The following KIF6 variants were observed in gnomAD, a reference collection of about 807,000 sequenced individuals.
KIF6 encodes kinesin-like protein KIF6.
Under a neutral mutation model 112.7 loss-of-function variants are expected in KIF6, and 106 were observed. The ratio of observed to expected loss-of-function variants is 0.94; its 90% CI spans 0.80 to 1.11. The LOEUF is 1.11. Among genes scored for constraint, KIF6 ranks in the 50% least tolerant of loss-of-function variants. The probability of loss-of-function intolerance (pLI) is 0.00; values close to 1 mark genes in which losing one functional copy is unlikely to be tolerated. For synonymous variants in KIF6, 339 were observed against 339.9 expected, an observed-to-expected ratio of 1.00 and a Z score of 0.03; for missense variants, 929 against 964.0, an observed-to-expected ratio of 0.96 and a Z score of 0.48.
At position 39,469,378 on chromosome 6, in the gene KIF6, CAT is replaced by C. The variant is rs59234741; in HGVS notation, c.1646-38219_1646-38218del. Among the ~76,000 whole-genome samples, 226 of 152,088 alleles carry C rather than the reference CAT, an allele frequency of 1.5e-3. 1 individual carries two copies. The highest frequency in any genetic ancestry group is 4.7e-3 in the African/African-American group (195 of 41,514). Reference sequence around the variant, plus strand: ...TCCAATCAAAAGTCAGAGATTGTCACATGAGATTTAAAAAAAACCAAGATTTA... The same window carrying C: ...TCCAATCAAAAGTCAGAGATTGTCACGAGATTTAAAAAAAACCAAGATTTA... On this transcript the variant is annotated intron_variant, in intron 13 of 22. Coordinates refer to ENST00000287152, the MANE Select transcript of KIF6 (RefSeq NM_145027.6).
chr6:39,720,810 A>G lies in KIF6; in HGVS notation c.68T>C (p.Ile23Thr). ...TTTTTCATCTTCATCTATGGAATAA[A>G]TCTGCAAATGTGAAGACAACAAATG... ...KPPVRKHQQG[I>T]YSIDEDEKLI... is the part of the protein sequence containing the mutation. Residue 23 changes from isoleucine to threonine, a missense_variant and splice_region_variant, in exon 2 of 23, where the codon ATT (isoleucine) becomes ACT (threonine). Ile to Thr is a moderately conservative substitution (Grantham distance 89). Transcript: ENST00000287152. The G allele has an allele frequency of 1.4e-6, 2 of 1,405,886 alleles. No individual in the cohort carries two copies. The highest frequency in any genetic ancestry group is 2.3e-5 in the South Asian group (2 of 86,726). 87.1% of individuals were successfully genotyped at this position (1,405,886 alleles called of 1,614,324 possible).
chr6:39,342,785 G>A lies in KIF6; in HGVS notation c.2428+924C>T. 2 of 985,284 alleles carry A rather than the reference G, an allele frequency of 2.0e-6. No individual in the cohort carries two copies. Among genetic ancestry groups the A allele is most frequent in the Non-Finnish European group, 1.2e-6 (1 of 829,890 alleles). 61.0% of individuals were successfully genotyped at this position (985,284 alleles called of 1,614,324 possible). A position where few individuals can be genotyped will look rare whatever the true frequency, so the allele number is the denominator to read the frequency against. On this transcript the variant is annotated intron_variant, in intron 22 of 22. Coordinates refer to ENST00000287152, the MANE Select transcript of KIF6 (RefSeq NM_145027.6). The surrounding 1 kb of genome is among the most constrained non-coding windows in gnomAD (Gnocchi z 4.7). ...GCAGGCTGGCGGCCAAGCAAGGCGA[G>A]TACAGGACCAAGGCCGGCTCTCAGT...
rs747037155 is a variant in KIF6 at position 39,362,457 on chromosome 6, T to C, written c.1923A>G (p.Ser641=). The C allele has an allele frequency of 3.7e-6, 6 of 1,614,026 alleles. No homozygotes were observed. The East Asian group carries it at 1.3e-4, about 36-fold the overall frequency. The part of the protein sequence containing the change: ...MPDQQEEKLR[S]QLEEEKRRYK... The stretch of plus-strand genomic sequence containing the variant: ...ACCTTCTCTTTTCTTCCTCCAGTTG[T>C]GATCGCAGCTTCTCCTCCTGCTGGT... The change falls in exon 17 of 23, where the codon TCA becomes TCG. Residue 641 remains serine, a synonymous_variant. Coordinates refer to ENST00000287152, the MANE Select transcript of KIF6 (RefSeq NM_145027.6).
intron 15 of KIF6, among the ~76,000 whole-genome samples, chr6:39,406,416 G>A (rs1046355646): frequency 7.2e-5 from 11 of 152,042 alleles, no homozygotes; most frequent in African/African-American, 1.7e-4. Flanking sequence ...AACCAGTTTC[G>A]GTTTCACTGA....
In KIF6 at chr6:39,453,591, C is replaced by A. The variant is rs76010915; in HGVS notation, c.1646-22430G>T. 7.3e-3 allele frequency among the ~76,000 whole-genome samples: 1,113 copies of A among 152,266 alleles called. 15 individuals are homozygous for A. Among genetic ancestry groups the A allele is most frequent in the African/African-American group, 0.026 (1,065 of 41,534 alleles). On this transcript the variant is annotated intron_variant, in intron 13 of 22. Transcript: ENST00000287152. ...TAAAAAAACAATGGCTACCAAATGGCTATTTTTGTATGTTCCCCAAACCCT... is the reference window on the plus strand; with the variant it reads ...TAAAAAAACAATGGCTACCAAATGGATATTTTTGTATGTTCCCCAAACCCT...
chr6:39,392,418 A>G (rs886173981), intron 15 of KIF6, among the ~76,000 whole-genome samples: 1 of 152,238 alleles, frequency 6.6e-6, no homozygotes, highest in African/African-American at 2.4e-5. Flanking sequence ...TGCATAATTA[A>G]TTTGAGTGCT....
intron 16 of KIF6, among the ~76,000 whole-genome samples, chr6:39,377,411 A>C (rs1581712817): frequency 7.8e-6 from 1 of 128,470 alleles, no homozygotes; most frequent in Non-Finnish European, 1.5e-5. Flanking sequence ...GCTCCTCTCC[A>C]TATCCTTGGA....
At chr6:39,567,311 G>A (rs558982644) in intron 10 of KIF6, among the ~76,000 whole-genome samples, 2 of 152,270 alleles carry the variant, frequency 1.3e-5, no homozygotes, top group Admixed American at 1.3e-4. Context: ...ACAGATGCAT[G>A]GAGATGATAT....
intron 12 of KIF6, among the ~76,000 whole-genome samples, chr6:39,541,654 A>G (rs1350462480): frequency 2.6e-5 from 4 of 152,224 alleles, no homozygotes; most frequent in Admixed American, 2.6e-4. Flanking sequence ...GACGTCTCAC[A>G]CATGCATGCA....
intron 10 of KIF6, among the ~76,000 whole-genome samples, chr6:39,572,499 G>T (rs1780697911): frequency 6.6e-6 from 1 of 152,030 alleles, no homozygotes; most frequent in South Asian, 2.1e-4. Context: ...GTTAGAAAAG[G>T]ATCCAGATGT....
chr6:39,527,728 A>G (rs1183210616), intron 13 of KIF6, among the ~76,000 whole-genome samples: 1 of 152,006 alleles, frequency 6.6e-6, no homozygotes, highest in Non-Finnish European at 1.5e-5. Flanking sequence ...TTTCCTGCAC[A>G]CCTCCAAAGC....
At chr6:39,705,307 G>A (rs1005709231) in intron 3 of KIF6, among the ~76,000 whole-genome samples, 2 of 152,138 alleles carry the variant, frequency 1.3e-5, no homozygotes, top group Non-Finnish European at 2.9e-5. Context: ...GCTGGGTTAC[G>A]GACCACACTT....
At chr6:39,574,736 CT>C (rs1228741854) in intron 10 of KIF6, among the ~76,000 whole-genome samples, 1 of 152,126 alleles carries the variant, frequency 6.6e-6, no homozygotes, top group Non-Finnish European at 1.5e-5. Flanking sequence ...ATTGGCTCCT[CT>C]GCATCATCTC....
At chr6:39,564,764 C>T (rs1409434589) in intron 10 of KIF6, among the ~76,000 whole-genome samples, 3 of 152,252 alleles carry the variant, frequency 2.0e-5, no homozygotes, top group South Asian at 4.1e-4. Flanking sequence ...TTATGTTGTG[C>T]CCAACTAGAA....
At chr6:39,339,738 T>G (rs3818308) in intron 22 of KIF6, among the ~76,000 whole-genome samples, 61,145 of 151,966 alleles carry the variant, frequency 0.4, 14,194 homozygotes, top group African/African-American at 0.64. Flanking sequence ...CCCTTACGGG[T>G]GTTATATACC....
At chr6:39,349,588 G>A (rs1263178816) in intron 19 of KIF6, among the ~76,000 whole-genome samples, 1 of 150,292 alleles carries the variant, frequency 6.7e-6, no homozygotes, top group East Asian at 2.0e-4. Context: ...GGAAGAAAAG[G>A]CACTTGCCAT....
intron 22 of KIF6, among the ~76,000 whole-genome samples, chr6:39,339,855 G>A (rs558953364): frequency 8.5e-5 from 13 of 152,276 alleles, no homozygotes; most frequent in Admixed American, 8.5e-4. Context: ...AGCTGGCGAG[G>A]CTTATGTTAA....
chr6:39,649,116 T>C (rs574959440), intron 3 of KIF6, among the ~76,000 whole-genome samples: 3 of 152,124 alleles, frequency 2.0e-5, no homozygotes, highest in African/African-American at 4.8e-5. Flanking sequence ...TGAGCTATGA[T>C]TGGGTGACAA....
At chr6:39,479,621 T>C (rs377753658) in intron 13 of KIF6, among the ~76,000 whole-genome samples, 1 of 152,148 alleles carries the variant, frequency 6.6e-6, no homozygotes, top group African/African-American at 2.4e-5. Context: ...TTATTTTTTC[T>C]AGTTCTGTAA....
Sources: gnomAD v4.1 joint callset for allele counts (sites outside exome capture counted in the v4.1 genomes callset) on GRCh38, gnomAD v4.1.1 for gene constraint, Gnocchi (gnomAD v3.1) non-coding constraint, MANE v1.5 for transcripts, NCBI Gene and HGNC (gene_info 2026-07-23, HGNC 2026-07-21) for gene names.